TRPC1: variants seen among roughly 807,000 people sequenced by gnomAD.
TRPC1 encodes transient receptor potential cation channel subfamily C member 1, also known as short transient receptor potential channel 1.
In TRPC1, 42 loss-of-function variants were observed where a neutral mutation model predicts 88.2. The observed-to-expected ratio is 0.48, with a 90% CI of 0.37 to 0.62. TRPC1 has a LOEUF of 0.62. Among genes scored for constraint, TRPC1 ranks in the 20% least tolerant of loss-of-function variants. The pLI is 0.00. For synonymous variants in TRPC1, 288 were observed against 331.8 expected (o/e 0.87, Z 1.43); for missense variants, 699 against 957.3 (o/e 0.73, Z 3.56).
rs1424237630 is a variant in TRPC1 at position 142,724,843 on chromosome 3, C to T, written c.172+112C>T. On this transcript the variant is annotated intron_variant, in intron 1 of 12. Coordinates refer to ENST00000476941, the MANE Select transcript of TRPC1 (RefSeq NM_001251845.2). The surrounding 1 kb of genome is among the most constrained non-coding windows in gnomAD (Gnocchi z 5.6). Reference sequence around the variant, plus strand: ...TCCCTCTGTCTCAGGCGCCGAGTGTCTTCCCGCCTCGCCTGCTGCCTCAGG... The same window carrying T: ...TCCCTCTGTCTCAGGCGCCGAGTGTTTTCCCGCCTCGCCTGCTGCCTCAGG... 1.5e-5 allele frequency: 19 copies of T among 1,259,542 alleles called. No homozygotes were observed. Among genetic ancestry groups the T allele is most frequent in the Non-Finnish European group, 2.0e-5 (19 of 956,574 alleles). The allele number at this position is 1,259,542 out of a possible 1,614,324, so 78.0% of individuals were successfully genotyped here.
At position 142,745,614 on chromosome 3, in the gene TRPC1, A is replaced by G. The variant is rs1043493301; in HGVS notation, c.429+2028A>G. ...AGCTGAGATCGAGCCGCTGCACTCC[A>G]GCCTGGGCGACAGAGCAAAACTCTT... On this transcript the variant is annotated intron_variant, in intron 3 of 12. Transcript: ENST00000476941. 3.3e-5 allele frequency among the ~76,000 whole-genome samples: 5 copies of G among 152,320 alleles called. No individual in the cohort carries two copies. The East Asian group carries it at 9.7e-4, about 29-fold the overall frequency.
intron 4 of TRPC1, 46 bp from the exon 5 acceptor site, chr3:142,777,586 A>T (rs1404971876): frequency 7.6e-7 from 1 of 1,310,084 alleles, no homozygotes. Flanking sequence ...TACGAATTAT[A>T]TGTGTATAAG....
intron 1 of TRPC1, among the ~76,000 whole-genome samples, chr3:142,732,611 T>G (rs550149658): frequency 1.4e-4 from 21 of 152,140 alleles, no homozygotes; most frequent in African/African-American, 4.8e-4. Flanking sequence ...AGTAGATGAT[T>G]ATGGGAGATA....
At chr3:142,801,613 G>A (rs1445752479) in intron 9 of TRPC1, among the ~76,000 whole-genome samples, 2 of 152,036 alleles carry the variant, frequency 1.3e-5, no homozygotes, top group South Asian at 2.1e-4. Context: ...CATTTGGCTT[G>A]CACACATAAT....
chr3:142,749,228 A>G (rs777755134), intron 4 of TRPC1, among the ~76,000 whole-genome samples: 10 of 152,220 alleles, frequency 6.6e-5, no homozygotes, highest in Non-Finnish European at 1.2e-4. Flanking sequence ...GTTTGTGGTG[A>G]TGCTGGTGTA....
intron 9 of TRPC1, among the ~76,000 whole-genome samples, chr3:142,797,175 G>A: frequency 7.3e-6 from 1 of 136,396 alleles, no homozygotes; most frequent in East Asian, 2.1e-4. Context: ...AAAAAAGGTT[G>A]TTTTTTTTTT....
At chr3:142,790,252 G>A (rs899793727) in intron 7 of TRPC1, among the ~76,000 whole-genome samples, 2 of 152,050 alleles carry the variant, frequency 1.3e-5, no homozygotes, top group Admixed American at 6.6e-5. Flanking sequence ...AGGCCAGCGC[G>A]ACTAGAATAG....
intron 4 of TRPC1, among the ~76,000 whole-genome samples, chr3:142,759,093 G>A (rs1442823964): frequency 1.3e-5 from 2 of 152,074 alleles, no homozygotes; most frequent in Non-Finnish European, 2.9e-5. Flanking sequence ...CATCTGGGTT[G>A]GTTCCAAGTC....
intron 1 of TRPC1, among the ~76,000 whole-genome samples, chr3:142,735,592 A>T (rs1934101138): frequency 6.6e-6 from 1 of 152,186 alleles, no homozygotes; most frequent in African/African-American, 2.4e-5. Flanking sequence ...TGCTGAAAAT[A>T]ATTACTGCTG....
At chr3:142,773,095 T>G (rs909060776) in intron 4 of TRPC1, among the ~76,000 whole-genome samples, 6 of 152,246 alleles carry the variant, frequency 3.9e-5, no homozygotes, top group African/African-American at 1.4e-4. Context: ...TATATTTTGA[T>G]GTACTGGTAG....
At chr3:142,736,133 T>C (rs1274187726) in intron 1 of TRPC1, among the ~76,000 whole-genome samples, 1 of 152,154 alleles carries the variant, frequency 6.6e-6, no homozygotes, top group Non-Finnish European at 1.5e-5. Flanking sequence ...TTTAAACTAA[T>C]AATTTTTATT....
rs150090919 is a variant in TRPC1 at position 142,739,418 on chromosome 3, T to A, written c.327+2885T>A. On this transcript the variant is annotated intron_variant, in intron 2 of 12. Transcript: ENST00000476941. Reference sequence around the variant, plus strand: ...GAATCTATGGTCTTACCTATTATGCTAATCTACTCTCAAACATGTAAAGAC... The same window carrying A: ...GAATCTATGGTCTTACCTATTATGCAAATCTACTCTCAAACATGTAAAGAC... 3.4e-3 allele frequency among the ~76,000 whole-genome samples: 522 copies of A among 152,336 alleles called. 1 individual carries two copies. Among genetic ancestry groups the A allele is most frequent in the African/African-American group, 0.012 (488 of 41,580 alleles).
At chr3:142,791,251 CCAGA>C in intron 8 of TRPC1, 93 bp downstream of exon 8, 2 of 1,121,708 alleles carry the variant, frequency 1.8e-6, no homozygotes, top group Non-Finnish European at 1.2e-6. Flanking sequence ...TTACATTGAG[CCAGA>C]TCAGTGTCTG....
At chr3:142,752,655 T>C (rs1175310989) in intron 4 of TRPC1, among the ~76,000 whole-genome samples, 2 of 152,114 alleles carry the variant, frequency 1.3e-5, no homozygotes, top group East Asian at 3.9e-4. Flanking sequence ...CAGTCAGGTC[T>C]TTCTCATCCC....
At position 142,731,374 on chromosome 3, in the gene TRPC1, A is replaced by ATTT. The variant is rs59613066; in HGVS notation, c.173-4979_173-4977dup. Among the ~76,000 whole-genome samples the ATTT allele has an allele frequency of 7.9e-4, 63 of 79,528 alleles. 4 individuals are homozygous for ATTT. The highest frequency in any genetic ancestry group is 1.3e-3 in the African/African-American group (25 of 19,652). 52.2% of individuals were successfully genotyped at this position (79,528 alleles called of 152,430 possible). A position where few individuals can be genotyped will look rare whatever the true frequency, so the allele number is the denominator to read the frequency against. ...AAGTTTGTAAGCTTGATATGTTTTG[A>ATTT]TTTTTTTTTTTTTTTTTTTTTTTTT... On this transcript the variant is annotated intron_variant, in intron 1 of 12. Transcript: ENST00000476941.
intron 4 of TRPC1, among the ~76,000 whole-genome samples, chr3:142,772,895 A>T (rs1326802730): frequency 6.6e-6 from 1 of 152,126 alleles, no homozygotes; most frequent in Non-Finnish European, 1.5e-5. Flanking sequence ...TGAAGGAAGG[A>T]TCTGTTCTAG....
intron 3 of TRPC1, among the ~76,000 whole-genome samples, chr3:142,746,352 A>G (rs1466603218): frequency 6.6e-6 from 1 of 152,116 alleles, no homozygotes. Flanking sequence ...TTTTTCATAC[A>G]GTTAAGTATG....
At chr3:142,772,006 G>C (rs1274773871) in intron 4 of TRPC1, among the ~76,000 whole-genome samples, 1 of 152,060 alleles carries the variant, frequency 6.6e-6, no homozygotes, top group Non-Finnish European at 1.5e-5. Context: ...CTGCCTTCTG[G>C]CATCTGTTTC....
intron 4 of TRPC1, among the ~76,000 whole-genome samples, chr3:142,753,518 C>T (rs186574401): frequency 6.6e-6 from 1 of 152,002 alleles, no homozygotes; most frequent in African/African-American, 2.4e-5. Flanking sequence ...GTAATCCTAG[C>T]ACTTTGGAGG....
Sources: gnomAD v4.1 joint callset for allele counts (sites outside exome capture counted in the v4.1 genomes callset) on GRCh38, gnomAD v4.1.1 for gene constraint, Gnocchi (gnomAD v3.1) non-coding constraint, MANE v1.5 for transcripts, NCBI Gene and HGNC (gene_info 2026-07-23, HGNC 2026-07-21) for gene names.